RORA: variants seen among roughly 807,000 people sequenced by gnomAD.
The protein encoded by RORA is RAR related orphan receptor A.
RORA carries 7 observed loss-of-function variants against 69.5 expected under a neutral mutation model. That is an observed-to-expected ratio of 0.10 (90% confidence interval 0.06 to 0.19). RORA has a LOEUF of 0.19. Among genes scored for constraint, RORA ranks in the 10% least tolerant of loss-of-function variants. The probability of loss-of-function intolerance (pLI) is 1.00; values close to 1 mark genes in which losing one functional copy is unlikely to be tolerated. For synonymous variants in RORA, 261 were observed against 240.8 expected (o/e 1.08, Z -0.78); for missense variants, 457 against 663.0 (o/e 0.69, Z 3.41).
chr15:60,595,724 G>C (rs2068653102), intron 2 of RORA, among the ~76,000 whole-genome samples: 1 of 150,390 alleles, frequency 6.6e-6, no homozygotes, highest in African/African-American at 2.4e-5. Context: ...CTTACATGAA[G>C]ATAATTAAAC....
chr15:60,959,786 G>A (rs1161766471), intron 1 of RORA, among the ~76,000 whole-genome samples: 2 of 152,166 alleles, frequency 1.3e-5, no homozygotes, highest in African/African-American at 4.8e-5. Flanking sequence ...TTCTACTGCT[G>A]CATCCCATGA....
At chr15:60,880,808 A>T (rs2073670591) in intron 1 of RORA, among the ~76,000 whole-genome samples, 1 of 152,208 alleles carries the variant, frequency 6.6e-6, no homozygotes, top group African/African-American at 2.4e-5. Flanking sequence ...AACACAAAGA[A>T]ATTAAATTTA....
chr15:60,721,954 C>A (rs1390015504), intron 1 of RORA, among the ~76,000 whole-genome samples: 1 of 152,252 alleles, frequency 6.6e-6, no homozygotes, highest in Non-Finnish European at 1.5e-5. Context: ...CCTTTAGAAA[C>A]ACATCAATTG....
At chr15:60,808,538 T>A (rs1256380565) in intron 1 of RORA, among the ~76,000 whole-genome samples, 1 of 152,120 alleles carries the variant, frequency 6.6e-6, no homozygotes, top group East Asian at 1.9e-4. Flanking sequence ...ATCTACCATT[T>A]GATCCAGCAA....
chr15:61,016,710 A>T (rs1410106169), intron 1 of RORA, among the ~76,000 whole-genome samples: 1 of 152,144 alleles, frequency 6.6e-6, no homozygotes, highest in East Asian at 1.9e-4. Context: ...ACCCATAAGG[A>T]GTAAAGAATA....
chr15:60,724,445 C>T (rs752037884), intron 1 of RORA, among the ~76,000 whole-genome samples: 9 of 152,122 alleles, frequency 5.9e-5, no homozygotes, highest in Non-Finnish European at 1.3e-4. Flanking sequence ...AGATTTGAAC[C>T]CATACACTTT....
At chr15:61,158,748 A>T (rs1461160616) in intron 1 of RORA, among the ~76,000 whole-genome samples, 1 of 152,180 alleles carries the variant, frequency 6.6e-6, no homozygotes, top group African/African-American at 2.4e-5. Context: ...CAGCTGAAAC[A>T]ATATTTGATG....
At chr15:60,512,414 G>A (rs768986126) in intron 4 of RORA, among the ~76,000 whole-genome samples, 4 of 152,108 alleles carry the variant, frequency 2.6e-5, no homozygotes, top group African/African-American at 7.2e-5. Flanking sequence ...GGCCTCCTAC[G>A]TAGCTGGGAC....
chr15:61,068,363 A>G (rs953739596), intron 1 of RORA, among the ~76,000 whole-genome samples: 9 of 152,234 alleles, frequency 5.9e-5, no homozygotes, highest in Admixed American at 1.3e-4. Context: ...AACATTGTAT[A>G]TCTAACCACT....
rs5813049 is a variant in RORA, at chr15:60,884,333, A to AT, written c.167-205648dup. On this transcript the variant is annotated intron_variant, in intron 1 of 10. Coordinates refer to ENST00000335670, the MANE Select transcript of RORA (RefSeq NM_134261.3). The stretch of plus-strand genomic sequence containing the variant: ...ATATGATTCTCACATCCTTTGTAGA[A>AT]TTTTTTTTTTTTTTCAAAAGTGCCT... Among the ~76,000 whole-genome samples, 899 of 147,332 alleles carry AT rather than the reference A, an allele frequency of 6.1e-3. 11 individuals are homozygous for AT. Among genetic ancestry groups the AT allele is most frequent in the African/African-American group, 0.016 (647 of 40,094 alleles).
Position 61,054,805 on chromosome 15 carries a change from TTTTTTTG to T in RORA, c.166+174241_166+174247del, listed in dbSNP as rs1348164216. On this transcript the variant is annotated intron_variant, in intron 1 of 10. Transcript: ENST00000335670. ...CTTTCATCATGCATTTAAAACAGTT[TTTTTTTG>T]TTTTTTGTTTTTTGTTTTTTTTTTT... 2.2e-3 allele frequency among the ~76,000 whole-genome samples: 332 copies of T among 150,296 alleles called. 1 individual carries two copies. Among genetic ancestry groups the T allele is most frequent in the African/African-American group, 6.6e-3 (269 of 40,740 alleles).
intron 2 of RORA, among the ~76,000 whole-genome samples, chr15:60,634,318 A>C (rs938201256): frequency 6.6e-6 from 1 of 152,038 alleles, no homozygotes; most frequent in African/African-American, 2.4e-5. Context: ...TCCTCTGTCC[A>C]GCCTCTCTCA....
intron 1 of RORA, among the ~76,000 whole-genome samples, chr15:60,683,468 CT>C (rs1431316522): frequency 6.6e-6 from 1 of 152,156 alleles, no homozygotes; most frequent in Admixed American, 6.6e-5. Flanking sequence ...AGGTAACCCC[CT>C]GAAACTTTTT....
intron 1 of RORA, among the ~76,000 whole-genome samples, chr15:60,929,710 C>G (rs552380829): frequency 6.6e-6 from 1 of 152,148 alleles, no homozygotes; most frequent in African/African-American, 2.4e-5. Flanking sequence ...GAGGTTTTCC[C>G]GCTTCGCTCT....
chr15:60,996,638 C>T (rs1245999904), intron 1 of RORA, among the ~76,000 whole-genome samples: 5 of 152,122 alleles, frequency 3.3e-5, no homozygotes, highest in African/African-American at 1.2e-4. Flanking sequence ...AGGCCGGGCA[C>T]GATGGCTCAC....
intron 1 of RORA, among the ~76,000 whole-genome samples, chr15:61,189,456 A>G (rs1596059507): frequency 6.6e-6 from 1 of 152,250 alleles, no homozygotes; most frequent in South Asian, 2.1e-4. Flanking sequence ...TCTGCAGTAG[A>G]TGATTCAAAG....
intron 1 of RORA, among the ~76,000 whole-genome samples, chr15:60,932,520 T>C (rs759662183): frequency 9.9e-5 from 15 of 152,222 alleles, no homozygotes; most frequent in Non-Finnish European, 1.5e-5. Context: ...AGTTTCTCCA[T>C]GTAGTGCAAG....
intron 2 of RORA, among the ~76,000 whole-genome samples, chr15:60,543,018 A>T (rs939912099): frequency 6.7e-6 from 1 of 149,248 alleles, no homozygotes; most frequent in Non-Finnish European, 1.5e-5. Context: ...GGGCCTACAC[A>T]CGAGTCCATC....
chr15:60,880,842 C>G (rs781191469), intron 1 of RORA, among the ~76,000 whole-genome samples: 23 of 152,210 alleles, frequency 1.5e-4, no homozygotes, highest in Admixed American at 3.9e-4. Flanking sequence ...CTGAGAAAGC[C>G]AGAAATAAAA....
Sources: allele counts gnomAD v4.1 joint callset (sites outside exome capture counted in the v4.1 genomes callset), GRCh38; gene constraint gnomAD v4.1.1; transcripts MANE v1.5; gene names NCBI Gene and HGNC (gene_info 2026-07-23, HGNC 2026-07-21).